ZBTB7C: variants seen among roughly 807,000 people sequenced by gnomAD.
The protein encoded by ZBTB7C is zinc finger and BTB domain containing 7C.
In ZBTB7C, 8 loss-of-function variants were observed where a neutral mutation model predicts 25.7. The observed-to-expected ratio is 0.31, with a 90% confidence interval of 0.18 to 0.56. The LOEUF (loss-of-function observed/expected upper bound fraction) is 0.56, where lower values mean the gene tolerates loss of function less well. Among genes scored for constraint, ZBTB7C ranks in the 20% least tolerant of loss-of-function variants. The pLI is 0.91. For synonymous variants in ZBTB7C, 394 were observed against 369.0 expected (o/e 1.07, Z -0.78); for missense variants, 824 against 855.2 (o/e 0.96, Z 0.46).
At chr18:48,095,818 G>C (rs1006848003) in intron 3 of ZBTB7C, among the ~76,000 whole-genome samples, 5 of 152,202 alleles carry the variant, frequency 3.3e-5, no homozygotes, top group African/African-American at 1.2e-4. Flanking sequence ...ACGGCTGAGG[G>C]ACAGATGGCC....
intron 1 of ZBTB7C, among the ~76,000 whole-genome samples, chr18:48,338,919 G>T (rs1038752672): frequency 4.0e-5 from 6 of 151,872 alleles, no homozygotes; most frequent in Non-Finnish European, 7.4e-5. Flanking sequence ...GTTGGGGGGG[G>T]GGGGTCCAGG....
intron 2 of ZBTB7C, among the ~76,000 whole-genome samples, chr18:48,302,996 T>C (rs548313478): frequency 6.6e-6 from 1 of 152,340 alleles, no homozygotes; most frequent in South Asian, 2.1e-4. Flanking sequence ...GGAAGCGGCA[T>C]TGGACCAGCA....
chr18:48,256,039 A>G (rs2044012381), intron 2 of ZBTB7C, among the ~76,000 whole-genome samples: 1 of 152,202 alleles, frequency 6.6e-6, no homozygotes, highest in Non-Finnish European at 1.5e-5. Flanking sequence ...TTCTATGTGT[A>G]ATTAAAGTCT....
chr18:48,284,469 G>C (rs572926261), intron 2 of ZBTB7C, among the ~76,000 whole-genome samples: 1 of 151,222 alleles, frequency 6.6e-6, no homozygotes, highest in East Asian at 2.0e-4. Flanking sequence ...GGGAGGGAGG[G>C]GCACATAAAT....
At chr18:48,191,029 C>A (rs989116396) in intron 2 of ZBTB7C, among the ~76,000 whole-genome samples, 1 of 152,162 alleles carries the variant, frequency 6.6e-6, no homozygotes, top group Admixed American at 6.5e-5. Context: ...ACAACCAAGG[C>A]CACGGAAGCC....
intron 2 of ZBTB7C, among the ~76,000 whole-genome samples, chr18:48,230,038 G>C (rs2043210107): frequency 6.6e-6 from 1 of 152,222 alleles, no homozygotes; most frequent in Admixed American, 6.5e-5. Flanking sequence ...TTTCTGCAAA[G>C]GGGATTAGTT....
intron 2 of ZBTB7C, among the ~76,000 whole-genome samples, chr18:48,310,490 C>G (rs7236706): frequency 2.0e-5 from 3 of 151,658 alleles, no homozygotes; most frequent in South Asian, 4.2e-4. Flanking sequence ...GAACAAGCAG[C>G]CTTTCTGTCT....
intron 1 of ZBTB7C, among the ~76,000 whole-genome samples, chr18:48,406,006 G>A (rs1456412216): frequency 6.6e-6 from 1 of 152,118 alleles, no homozygotes; most frequent in African/African-American, 2.4e-5. Context: ...TTTTCTTCCA[G>A]TGGGACACAG....
chr18:48,406,857 AT>A (rs1200851519), intron 1 of ZBTB7C, among the ~76,000 whole-genome samples: 1 of 152,250 alleles, frequency 6.6e-6, no homozygotes, highest in East Asian at 1.9e-4. Flanking sequence ...GAAATCTAGC[AT>A]CGCCCTAGAG....
At chr18:48,061,119 T>C (rs575629899) in intron 3 of ZBTB7C, among the ~76,000 whole-genome samples, 1 of 152,204 alleles carries the variant, frequency 6.6e-6, no homozygotes, top group Admixed American at 6.5e-5. Context: ...CTTGGAAATA[T>C]TTACAGATCA....
rs573152526 is a variant in ZBTB7C, at chr18:48,220,583, G to C, written c.-78-34588C>G. ...GTGGGCCTGACATGCCAAGTGCCCA[G>C]AATAGCAATATTTAGCTTTTACAGA... On this transcript the variant is annotated intron_variant, in intron 2 of 4. Coordinates refer to ENST00000590800, the MANE Select transcript of ZBTB7C (RefSeq NM_001318841.2). 7.2e-5 allele frequency among the ~76,000 whole-genome samples: 11 copies of C among 152,294 alleles called. No individual in the cohort carries two copies. In the South Asian group the frequency reaches 1.7e-3, roughly 23 times the overall value.
chr18:48,231,147 G>T (rs1406390907), intron 2 of ZBTB7C, among the ~76,000 whole-genome samples: 1 of 152,166 alleles, frequency 6.6e-6, no homozygotes, highest in African/African-American at 2.4e-5. Context: ...GCAGGAGGCA[G>T]ACAGGCTCCT....
chr18:48,060,068 G>A (rs575893208), intron 3 of ZBTB7C, among the ~76,000 whole-genome samples: 4 of 151,630 alleles, frequency 2.6e-5, no homozygotes, highest in African/African-American at 7.3e-5. Context: ...ATTTTTTTTC[G>A]GCCGGGTGGG....
At chr18:48,095,332 T>C (rs542891998) in intron 3 of ZBTB7C, among the ~76,000 whole-genome samples, 20 of 152,232 alleles carry the variant, frequency 1.3e-4, no homozygotes, top group African/African-American at 4.1e-4. Context: ...AGAAGTCTGG[T>C]GGTCAGAGCA....
chr18:48,141,813 T>G (rs1304085959), intron 3 of ZBTB7C, among the ~76,000 whole-genome samples: 1 of 152,218 alleles, frequency 6.6e-6, no homozygotes, highest in East Asian at 1.9e-4. Context: ...AGCCTCTTCC[T>G]TCGTGGCCCC....
upstream of ZBTB7C, among the ~76,000 whole-genome samples, chr18:48,412,555 C>CCT (rs2048388564): frequency 6.6e-6 from 1 of 152,052 alleles, no homozygotes; most frequent in Non-Finnish European, 1.5e-5. Flanking sequence ...TGCGATGCTG[C>CCT]CTCTAGAGGA....
At chr18:48,259,591 G>C (rs529569031) in intron 2 of ZBTB7C, among the ~76,000 whole-genome samples, 4 of 152,126 alleles carry the variant, frequency 2.6e-5, no homozygotes, top group Non-Finnish European at 2.9e-5. Context: ...ACCATGAAGA[G>C]AATGAAAAGA....
chr18:48,220,148 A>C (rs1435566887), intron 2 of ZBTB7C, among the ~76,000 whole-genome samples: 1 of 135,594 alleles, frequency 7.4e-6, no homozygotes, highest in Non-Finnish European at 1.6e-5. Context: ...CACACTCAGA[A>C]ACTTGAAGGT....
At chr18:48,199,653 C>T (rs778206358) in intron 2 of ZBTB7C, among the ~76,000 whole-genome samples, 5 of 151,576 alleles carry the variant, frequency 3.3e-5, no homozygotes, top group Admixed American at 6.6e-5. Flanking sequence ...CTCCCCCTCC[C>T]GCTCCTCCTC....
Sources: allele counts gnomAD v4.1 joint callset (sites outside exome capture counted in the v4.1 genomes callset), GRCh38; gene constraint gnomAD v4.1.1; transcripts MANE v1.5; gene names NCBI Gene and HGNC (gene_info 2026-07-23, HGNC 2026-07-21).